The following ACTR3C variants were observed in gnomAD, a reference collection of about 807,000 sequenced individuals.
ACTR3C encodes actin related protein 3C, also known as actin-related protein 3C.
In ACTR3C, 18 loss-of-function variants were observed where a neutral mutation model predicts 26.3. The observed-to-expected ratio is 0.68, with a 90% CI of 0.47 to 1.01. The LOEUF (loss-of-function observed/expected upper bound fraction) is 1.01, where lower values mean the gene tolerates loss of function less well. Ranked by LOEUF, ACTR3C falls within the 50% of genes least tolerant of loss-of-function variation. ACTR3C has a pLI of 0.00. For missense variants in ACTR3C, 184 were observed against 250.7 expected, an observed-to-expected ratio of 0.73 and a Z score of 1.80; for synonymous variants, 55 against 94.5, an observed-to-expected ratio of 0.58 and a Z score of 2.42.
the ACTR3C span, among the ~76,000 whole-genome samples, chr7:150,006,235 C>A: frequency 4.2e-5 from 4 of 96,254 alleles, no homozygotes; most frequent in East Asian, 1.4e-3. Flanking sequence ...CTTACTCTGT[C>A]GCCCAGGCTG....
chr7:150,173,837 A>G, the ACTR3C span, among the ~76,000 whole-genome samples: 1 of 149,062 alleles, frequency 6.7e-6, no homozygotes, highest in African/African-American at 2.6e-5. Context: ...AAAGTTCCAC[A>G]AATCCCTAGG....
the ACTR3C span, among the ~76,000 whole-genome samples, chr7:150,109,910 T>C: frequency 8.6e-3 from 1,104 of 128,884 alleles, 3 homozygotes; most frequent in African/African-American, 0.027. Flanking sequence ...TTATGTTAAA[T>C]GTGGACAGGT....
At chr7:149,986,027 G>A in the ACTR3C span, among the ~76,000 whole-genome samples, 1 of 151,686 alleles carries the variant, frequency 6.6e-6, no homozygotes, top group Non-Finnish European at 1.5e-5. Context: ...CTTCTATCCA[G>A]ACACTGATCC....
intron 1 of ACTR3C, among the ~76,000 whole-genome samples, chr7:150,298,017 A>G (rs1404621068): frequency 6.6e-6 from 1 of 151,530 alleles, no homozygotes; most frequent in South Asian, 2.1e-4. Flanking sequence ...AAAAGATATT[A>G]TTTAAAACTG....
chr7:150,108,870 G>T, the ACTR3C span, among the ~76,000 whole-genome samples: 6 of 151,392 alleles, frequency 4.0e-5, no homozygotes, highest in Middle Eastern at 3.4e-3. Flanking sequence ...GTAGTTGTGG[G>T]GAAGGACTGA....
chr7:150,240,577 A>T (rs538722355), downstream of ACTR3C, among the ~76,000 whole-genome samples: 70 of 152,256 alleles, frequency 4.6e-4, no homozygotes, highest in African/African-American at 1.7e-3. Flanking sequence ...AACTTTTTTT[A>T]AAAAAAGAAA....
chr7:149,898,328 C>T, the ACTR3C span, among the ~76,000 whole-genome samples: 7 of 152,352 alleles, frequency 4.6e-5, no homozygotes, highest in East Asian at 1.3e-3. Context: ...AATGTGCCAA[C>T]ACAAGTGACA....
the ACTR3C span, among the ~76,000 whole-genome samples, chr7:150,227,698 T>G: frequency 6.4e-4 from 81 of 126,128 alleles, 3 homozygotes; most frequent in East Asian, 1.4e-3. Flanking sequence ...GTTTTTTTTT[T>G]TTGTTTTTTT....
the ACTR3C span, among the ~76,000 whole-genome samples, chr7:150,025,389 AT>A: frequency 0.014 from 2,138 of 152,078 alleles, 24 homozygotes; most frequent in Non-Finnish European, 0.018. Flanking sequence ...GGGGGATTGT[AT>A]TTGTTTGCTT....
intron 6 of ACTR3C, among the ~76,000 whole-genome samples, chr7:150,278,632 C>T (rs182466262): frequency 2.7e-4 from 41 of 152,374 alleles, no homozygotes; most frequent in African/African-American, 6.5e-4. Context: ...CGGCCTCCCA[C>T]GGCAACAGGT....
downstream of ACTR3C, among the ~76,000 whole-genome samples, chr7:150,243,477 G>GA (rs1323066054): frequency 6.6e-6 from 1 of 151,950 alleles, no homozygotes; most frequent in Non-Finnish European, 1.5e-5. Context: ...ATGGAGCAAA[G>GA]ATTGAAGTTA....
the ACTR3C span, among the ~76,000 whole-genome samples, chr7:150,042,951 C>T: frequency 5.3e-5 from 8 of 150,934 alleles, no homozygotes; most frequent in East Asian, 1.9e-4. Flanking sequence ...TCGCTGTTGT[C>T]GGGATCCCCA....
the ACTR3C span, among the ~76,000 whole-genome samples, chr7:149,976,039 C>CTAGT: frequency 6.6e-6 from 1 of 152,220 alleles, no homozygotes; most frequent in Admixed American, 6.5e-5. Context: ...ACTTCATCAA[C>CTAGT]TGTTCTGGGT....
chr7:150,105,291 A>G, the ACTR3C span, among the ~76,000 whole-genome samples: 1 of 151,606 alleles, frequency 6.6e-6, no homozygotes, highest in African/African-American at 2.4e-5. Flanking sequence ...ACCGTGTTAG[A>G]CAGGATGGTC....
the ACTR3C span, among the ~76,000 whole-genome samples, chr7:149,901,187 C>G: frequency 4.9e-4 from 75 of 152,240 alleles, no homozygotes; most frequent in Admixed American, 1.4e-3. Flanking sequence ...TGGTTAAGAA[C>G]AGTGGAGGGA....
chr7:150,243,281 G>T (rs1832285930), downstream of ACTR3C, among the ~76,000 whole-genome samples: 1 of 151,458 alleles, frequency 6.6e-6, no homozygotes, highest in Non-Finnish European at 1.5e-5. Context: ...TTCTGATTTG[G>T]TTCAGAATTC....
At chr7:150,058,417 C>G in the ACTR3C span, among the ~76,000 whole-genome samples, 7 of 152,122 alleles carry the variant, frequency 4.6e-5, no homozygotes, top group Non-Finnish European at 8.8e-5. Context: ...ATAGAATATC[C>G]ACAAGTTAAG....
the ACTR3C span, among the ~76,000 whole-genome samples, chr7:149,946,284 G>A: frequency 3.7e-4 from 56 of 152,298 alleles, no homozygotes; most frequent in African/African-American, 1.3e-3. Flanking sequence ...CTTCTCCCTC[G>A]TGCTGAGACC....
the ACTR3C span, among the ~76,000 whole-genome samples, chr7:149,963,863 C>T: frequency 6.6e-6 from 1 of 152,220 alleles, no homozygotes; most frequent in African/African-American, 2.4e-5. Context: ...TGACACATTC[C>T]TGTCCCAGAG....
Sources: gnomAD v4.1 joint callset for allele counts (sites outside exome capture counted in the v4.1 genomes callset) on GRCh38, gnomAD v4.1.1 for gene constraint, MANE v1.5 for transcripts, NCBI Gene and HGNC (gene_info 2026-07-23, HGNC 2026-07-21) for gene names.